Variants in ZNF385C observed in about 807,000 individuals in gnomAD.
ZNF385C encodes zinc finger protein 385C, also known as CTD-2132N18.2.
In ZNF385C, 28 loss-of-function variants were observed where a neutral mutation model predicts 35.4. The ratio of observed to expected loss-of-function variants is 0.79; its 90% CI spans 0.59 to 1.08. The LOEUF is 1.08. Among genes scored for constraint, ZNF385C ranks in the 50% least tolerant of loss-of-function variants. The pLI, the probability that ZNF385C is intolerant of heterozygous loss-of-function variation, is 0.00. For synonymous variants in ZNF385C, 248 were observed against 248.2 expected (o/e 1.00, Z 0.01); for missense variants, 605 against 595.6 (o/e 1.02, Z -0.16).
chr17:42,054,255 AAGG>A (rs2053335260), intron 2 of ZNF385C, among the ~76,000 whole-genome samples: 2 of 152,196 alleles, frequency 1.3e-5, no homozygotes, highest in South Asian at 4.1e-4. Flanking sequence ...ACCTCCAGGG[AAGG>A]AGGAGCTGCT....
chr17:42,097,495 G>A (rs2053930493), intron 1 of ZNF385C, among the ~76,000 whole-genome samples: 1 of 152,074 alleles, frequency 6.6e-6, no homozygotes, highest in Admixed American at 6.5e-5. Flanking sequence ...ATGATCTCAG[G>A]AAGGTCCCTG....
intron 1 of ZNF385C, among the ~76,000 whole-genome samples, chr17:42,072,550 GC>G (rs1382490431): frequency 6.6e-6 from 1 of 152,010 alleles, no homozygotes; most frequent in Admixed American, 6.5e-5. Context: ...CGAGTCCGGC[GC>G]CCGCGCCTAC....
At chr17:42,053,388 G>A (rs1225537143) in intron 2 of ZNF385C, among the ~76,000 whole-genome samples, 2 of 152,082 alleles carry the variant, frequency 1.3e-5, no homozygotes, top group East Asian at 3.9e-4. Context: ...ATCTCAGGGA[G>A]GAGGCACCCT....
At chr17:42,078,269 A>G (rs1555659420) in intron 1 of ZNF385C, among the ~76,000 whole-genome samples, 1 of 152,056 alleles carries the variant, frequency 6.6e-6, no homozygotes, top group African/African-American at 2.4e-5. Context: ...GACTGGCCTC[A>G]CAACCTACTA....
chr17:42,037,764 C>T lies in ZNF385C; in HGVS notation c.372G>A (p.Pro124=), dbSNP rs968947924. ...LLAFHFNGAA[P]LSLFPNFSTM... Reference sequence around the variant, plus strand: ...TGCTGAAGTTGGGGAAGAGACTGAGCGGGGCAGCGCCATTGAAGTGGAAGG... The same window carrying T: ...TGCTGAAGTTGGGGAAGAGACTGAGTGGGGCAGCGCCATTGAAGTGGAAGG... Residue 124 remains proline (P), a synonymous_variant, in exon 3 of 9, where the codon CCG becomes CCA. Coordinates refer to ENST00000692273, the MANE Select transcript of ZNF385C (RefSeq NM_001392013.1). 3.3e-5 allele frequency: 50 copies of T among 1,534,974 alleles called. No individual in the cohort carries two copies. The highest frequency in any genetic ancestry group is 6.1e-5 in the South Asian group (5 of 81,904).
intron 2 of ZNF385C, among the ~76,000 whole-genome samples, chr17:42,055,962 T>C (rs2143801540): frequency 6.6e-6 from 1 of 152,308 alleles, no homozygotes; most frequent in South Asian, 2.1e-4. Flanking sequence ...CAGGGACATG[T>C]AGTGTAGCTG....
At position 42,050,589 on chromosome 17, in the gene ZNF385C, A is replaced by G. The variant is rs1217753022; in HGVS notation, c.250+12218T>C. The G allele has an allele frequency of 6.6e-6, 1 of 151,884 alleles. No individual in the cohort carries two copies. The highest frequency in any genetic ancestry group is 1.5e-5 in the Non-Finnish European group (1 of 67,926). 9.4% of individuals were successfully genotyped at this position (151,884 alleles called of 1,614,324 possible). A position where few individuals can be genotyped will look rare whatever the true frequency, so the allele number is the denominator to read the frequency against. On this transcript the variant is annotated intron_variant, in intron 2 of 8. Transcript: ENST00000692273. This position sits in a 1 kb window ranked among gnomAD's most constrained non-coding sequence, Gnocchi z 5.6. ...CAGGAGCCACCATCTTGGGCGGTGG[A>G]CGCTCTGGCCGCGGTCTCCTTGGGC...
rs1035042708 is a variant in ZNF385C, at chr17:42,026,004, G to C, written c.*893C>G. 2.1e-4 allele frequency: 32 copies of C among 152,098 alleles called. No homozygotes were observed. Among genetic ancestry groups the C allele is most frequent in the African/African-American group, 7.5e-4 (31 of 41,380 alleles). The allele number at this position is 152,098 out of a possible 1,614,324, so 9.4% of individuals were successfully genotyped here. ...CATAGTCTGAGGGAGACCCACACCCGCCCTCCAAGAGTTGGGGTTCAGGAA... is the reference window on the plus strand; with the variant it reads ...CATAGTCTGAGGGAGACCCACACCCCCCCTCCAAGAGTTGGGGTTCAGGAA... On this transcript the variant is annotated 3_prime_UTR_variant, in exon 9 of 9. Transcript: ENST00000692273.
At chr17:42,045,506 C>A (rs2053140311) in intron 2 of ZNF385C, among the ~76,000 whole-genome samples, 1 of 152,240 alleles carries the variant, frequency 6.6e-6, no homozygotes, top group Non-Finnish European at 1.5e-5. Flanking sequence ...GAGATATTAT[C>A]CTTTTGGAGA....
At chr17:42,043,591 G>A in intron 2 of ZNF385C, 1 of 391,662 alleles carries the variant, frequency 2.6e-6, no homozygotes, top group East Asian at 3.8e-5. Flanking sequence ...AGGCAGAGGT[G>A]TTAGGGGTCT....
rs2053254258 is a variant in ZNF385C at position 42,050,316 on chromosome 17, AGG to A, written c.251-12433_251-12432del. Among the ~76,000 whole-genome samples the A allele has an allele frequency of 6.6e-6, 1 of 152,204 alleles. No individual in the cohort carries two copies. Among genetic ancestry groups the A allele is most frequent in the Middle Eastern group, 3.2e-3 (1 of 316 alleles). On this transcript the variant is annotated intron_variant, in intron 2 of 8. Coordinates refer to ENST00000692273, the MANE Select transcript of ZNF385C (RefSeq NM_001392013.1). The surrounding 1 kb of genome is among the most constrained non-coding windows in gnomAD (Gnocchi z 5.6). ...AAGAGAAGTCCAGCACTCAGCAGAC[AGG>A]GCCGGGCGCCCCCTGCTCTGACAGC...
At chr17:42,045,342 C>T (rs182017015) in intron 2 of ZNF385C, among the ~76,000 whole-genome samples, 29 of 152,388 alleles carry the variant, frequency 1.9e-4, no homozygotes, top group African/African-American at 6.7e-4. Context: ...TGCGCCACCG[C>T]GCCTGGCCTT....
chr17:42,070,434 G>A (rs9675195), intron 1 of ZNF385C, among the ~76,000 whole-genome samples: 47,993 of 152,088 alleles, frequency 0.32, 8,495 homozygotes, highest in African/African-American at 0.46. Context: ...ACACAGAGCC[G>A]CTACTGCTAA....
chr17:42,080,449 A>T (rs1177844001), intron 1 of ZNF385C, among the ~76,000 whole-genome samples: 1 of 152,182 alleles, frequency 6.6e-6, no homozygotes, highest in Non-Finnish European at 1.5e-5. Flanking sequence ...CCACTGATTC[A>T]GGCCTTGGGG....
chr17:42,067,894 G>A (rs781962430), intron 1 of ZNF385C, among the ~76,000 whole-genome samples: 5 of 152,184 alleles, frequency 3.3e-5, no homozygotes, highest in Admixed American at 6.5e-5. Context: ...TGGGGACAGG[G>A]GTATTTTGAA....
At position 42,079,204 on chromosome 17, in the gene ZNF385C, AT is replaced by A. The variant is rs1371915832; in HGVS notation, c.-2-16147del. On this transcript the variant is annotated intron_variant, in intron 1 of 8. Transcript: ENST00000692273. ...CTGTCTCGCAAAAAAAAAAAAAAAA[AT>A]ATATATATATATACATATATATATA... Among the ~76,000 whole-genome samples, 202 of 99,964 alleles carry A rather than the reference AT, an allele frequency of 2.0e-3. 1 individual carries two copies. The highest frequency in any genetic ancestry group is 5.4e-3 in the South Asian group (19 of 3,540). The allele number at this position is 99,964 out of a possible 152,430, so 65.6% of individuals were successfully genotyped here.
At chr17:42,063,625 G>A (rs2053499447) in intron 1 of ZNF385C, among the ~76,000 whole-genome samples, 1 of 152,212 alleles carries the variant, frequency 6.6e-6, no homozygotes, top group Admixed American at 6.5e-5. Flanking sequence ...GGGAGGCCAA[G>A]ACACCTGGGG....
intron 2 of ZNF385C, chr17:42,039,818 T>TGTGGCCCCCCCGGCCTTCC: frequency 8.1e-7 from 1 of 1,230,748 alleles, no homozygotes; most frequent in African/African-American, 1.6e-5. Context: ...ATCTTCACCA[T>TGTGGCCCCCCCGGCCTTCC]GTGGCCCCCC....
chr17:42,049,698 C>T (rs2053244026), intron 2 of ZNF385C, among the ~76,000 whole-genome samples: 1 of 152,244 alleles, frequency 6.6e-6, no homozygotes, highest in Non-Finnish European at 1.5e-5. Flanking sequence ...CAGATCCTTT[C>T]CATGTACATC....
Sources: gnomAD v4.1 joint callset for allele counts (sites outside exome capture counted in the v4.1 genomes callset) on GRCh38, gnomAD v4.1.1 for gene constraint, Gnocchi (gnomAD v3.1) non-coding constraint, MANE v1.5 for transcripts, NCBI Gene and HGNC (gene_info 2026-07-23, HGNC 2026-07-21) for gene names.